Variants in CALN1 observed in about 807,000 individuals in gnomAD.
CALN1 encodes the protein calneuron 1, also known as calcium-binding protein 8.
CALN1 carries 17 observed loss-of-function variants against 30.6 expected under a neutral mutation model. The ratio of observed to expected loss-of-function variants is 0.56; its 90% confidence interval spans 0.38 to 0.83. The LOEUF is 0.83. Ranked by LOEUF, CALN1 falls within the 40% of genes least tolerant of loss-of-function variation. CALN1 has a pLI of 0.00. For synonymous variants in CALN1, 156 were observed against 131.4 expected (o/e 1.19, Z -1.28); for missense variants, 291 against 354.9 (o/e 0.82, Z 1.45).
intron 5 of CALN1, among the ~76,000 whole-genome samples, chr7:71,954,108 G>A (rs1360975377): frequency 6.6e-6 from 1 of 152,174 alleles, no homozygotes; most frequent in Non-Finnish European, 1.5e-5. Context: ...AGGATTGCTT[G>A]AGGCTAGGAA....
chr7:71,925,198 G>A (rs1207113523), intron 5 of CALN1, among the ~76,000 whole-genome samples: 1 of 152,134 alleles, frequency 6.6e-6, no homozygotes, highest in Non-Finnish European at 1.5e-5. Context: ...CTGAGATTGT[G>A]CCACTGTACT....
At chr7:72,196,635 G>A (rs1001762066) in intron 3 of CALN1, among the ~76,000 whole-genome samples, 14 of 152,216 alleles carry the variant, frequency 9.2e-5, no homozygotes, top group Admixed American at 7.9e-4. Flanking sequence ...AAGATCTAGA[G>A]AAGCACACTG....
At chr7:72,103,062 ACT>A (rs1419375652) in intron 4 of CALN1, 1 of 110,800 alleles carries the variant, frequency 9.0e-6, no homozygotes, top group Non-Finnish European at 1.8e-5. Context: ...ACAGAGCGAG[ACT>A]CCGTCAAAAA....
intron 3 of CALN1, among the ~76,000 whole-genome samples, chr7:72,261,729 A>C (rs1032006210): frequency 6.6e-6 from 1 of 152,136 alleles, no homozygotes; most frequent in African/African-American, 2.4e-5. Flanking sequence ...CACCCAGCTT[A>C]TTTTAGCAGC....
chr7:72,324,559 AATTTATTTATTT>A lies in CALN1; in HGVS notation c.120-45761_120-45750del, dbSNP rs10562818. 6.8e-3 allele frequency among the ~76,000 whole-genome samples: 890 copies of A among 129,968 alleles called. 2 individuals carry two copies. Among genetic ancestry groups the A allele is most frequent in the East Asian group, 0.012 (58 of 4,870 alleles). 85.3% of individuals were successfully genotyped at this position (129,968 alleles called of 152,430 possible). On this transcript the variant is annotated intron_variant, in intron 2 of 6. Transcript: ENST00000395275. ...CTTTTTCCCTCCTTTTAAATGATGT[AATTTATTTATTT>A]ATTTATTTATTTATTTATTTATTTA...
chr7:72,045,776 G>C (rs759118615), intron 4 of CALN1, among the ~76,000 whole-genome samples: 28 of 151,958 alleles, frequency 1.8e-4, no homozygotes, highest in Non-Finnish European at 3.8e-4. Flanking sequence ...GAGGTGGGTG[G>C]ATCACCTGAG....
chr7:71,863,897 G>A (rs1791444164), intron 5 of CALN1, among the ~76,000 whole-genome samples: 1 of 152,106 alleles, frequency 6.6e-6, no homozygotes, highest in South Asian at 2.1e-4. Flanking sequence ...AGCTAACTGT[G>A]AATTCTCCAC....
At chr7:72,381,395 A>C (rs532857020) in intron 2 of CALN1, among the ~76,000 whole-genome samples, 1 of 151,682 alleles carries the variant, frequency 6.6e-6, no homozygotes, top group Non-Finnish European at 1.5e-5. Context: ...ATGTATGTTT[A>C]CTGCAGCACT....
intron 1 of CALN1, among the ~76,000 whole-genome samples, chr7:72,435,240 A>AG (rs1209350871): frequency 1.1e-5 from 1 of 94,468 alleles, no homozygotes; most frequent in Non-Finnish European, 2.5e-5. Context: ...GTCTCTAAGG[A>AG]AAAAAAAAAA....
At chr7:72,449,617 A>G (rs1047885999), upstream of CALN1, among the ~76,000 whole-genome samples, 2 of 152,170 alleles carry the variant, frequency 1.3e-5, no homozygotes, top group Non-Finnish European at 2.9e-5. Flanking sequence ...TCATGCCTGT[A>G]ATCCCAACAT....
In CALN1 at chr7:72,403,235, G is replaced by A. The variant is rs757077525; in HGVS notation, c.119+16C>T. The A allele has an allele frequency of 3.2e-5, 49 of 1,543,164 alleles. No homozygotes were observed. The African/African-American group carries it at 6.3e-4, about 20-fold the overall frequency. On this transcript the variant is annotated intron_variant, in intron 2 of 6. Coordinates refer to ENST00000395275, the MANE Select transcript of CALN1 (RefSeq NM_031468.4). The stretch of plus-strand genomic sequence containing the variant: ...CAAACAATCTAGGTCCTTGGGTTTG[G>A]GGGAAGAAGACTTGCCAGGTGGGGA...
At chr7:71,808,600 A>G (rs1328606587) in intron 6 of CALN1, among the ~76,000 whole-genome samples, 1 of 152,150 alleles carries the variant, frequency 6.6e-6, no homozygotes, top group Non-Finnish European at 1.5e-5. Flanking sequence ...GTTTTGAGAA[A>G]TAAAAAGGCC....
At chr7:72,497,543 C>T in the CALN1 span, among the ~76,000 whole-genome samples, 1 of 152,174 alleles carries the variant, frequency 6.6e-6, no homozygotes, top group Non-Finnish European at 1.5e-5. Context: ...CCTCAAAGGG[C>T]CATGCCCTGA....
intron 6 of CALN1, among the ~76,000 whole-genome samples, chr7:71,806,235 C>T (rs184577552): frequency 6.6e-6 from 1 of 151,644 alleles, no homozygotes; most frequent in African/African-American, 2.4e-5. Flanking sequence ...GCCAGGTGTG[C>T]ACATGTGCAC....
Position 71,895,312 on chromosome 7 carries a change from T to C in CALN1, c.502-84820A>G, listed in dbSNP as rs1232322568. ...AAGTGATTCTCTTGACAATTTTCTCTCTTTTCTTTTTTTTTGAGACAGAGT... is the reference window on the plus strand; with the variant it reads ...AAGTGATTCTCTTGACAATTTTCTCCCTTTTCTTTTTTTTTGAGACAGAGT... On this transcript the variant is annotated intron_variant, in intron 5 of 6. Coordinates refer to ENST00000395275, the MANE Select transcript of CALN1 (RefSeq NM_031468.4). 2.0e-5 allele frequency among the ~76,000 whole-genome samples: 3 copies of C among 148,762 alleles called. No homozygotes were observed. In the Admixed American group the frequency reaches 2.0e-4, roughly 10 times the overall value.
At chr7:72,329,179 A>G (rs1486804241) in intron 2 of CALN1, among the ~76,000 whole-genome samples, 2 of 152,206 alleles carry the variant, frequency 1.3e-5, no homozygotes, top group Admixed American at 6.5e-5. Flanking sequence ...CTATAATTGC[A>G]GTTTTGTTTG....
intron 5 of CALN1, among the ~76,000 whole-genome samples, chr7:71,941,460 A>C (rs1036492888): frequency 6.6e-6 from 1 of 152,202 alleles, no homozygotes; most frequent in Non-Finnish European, 1.5e-5. Context: ...GATGGTACCT[A>C]GATAACAAGA....
chr7:72,404,443 C>A (rs1225550182), intron 1 of CALN1, among the ~76,000 whole-genome samples: 1 of 152,222 alleles, frequency 6.6e-6, no homozygotes, highest in African/African-American at 2.4e-5. Context: ...CAAAGACTCT[C>A]TTGAGATGTG....
At chr7:72,196,932 G>T (rs935272575) in intron 3 of CALN1, among the ~76,000 whole-genome samples, 1 of 152,082 alleles carries the variant, frequency 6.6e-6, no homozygotes. Context: ...TTATGAACTT[G>T]GAGGGTACAT....
Sources: allele counts gnomAD v4.1 joint callset (sites outside exome capture counted in the v4.1 genomes callset), GRCh38; gene constraint gnomAD v4.1.1; transcripts MANE v1.5; gene names NCBI Gene and HGNC (gene_info 2026-07-23, HGNC 2026-07-21).